Variants in ECT2L observed in about 807,000 individuals in gnomAD.
ECT2L encodes epithelial cell transforming 2 like, also known as epithelial cell-transforming sequence 2 oncogene-like.
ECT2L carries 126 observed loss-of-function variants against 122.8 expected under a neutral mutation model. That is an observed-to-expected ratio of 1.03 (90% confidence interval 0.89 to 1.19). ECT2L has a LOEUF of 1.19. Ranked by LOEUF, ECT2L falls within the 50% of genes most tolerant of loss-of-function variation. The pLI, the probability that ECT2L is intolerant of heterozygous loss-of-function variation, is 0.00. For missense variants in ECT2L, 1,012 were observed against 1,064.1 expected, an observed-to-expected ratio of 0.95 and a Z score of 0.68; for synonymous variants, 385 against 381.8, an observed-to-expected ratio of 1.01 and a Z score of -0.10.
At chr6:138,807,378 A>G (rs576194587) in intron 1 of ECT2L, among the ~76,000 whole-genome samples, 77 of 152,316 alleles carry the variant, frequency 5.1e-4, no homozygotes, top group African/African-American at 1.8e-3. Flanking sequence ...AGCACTTTCT[A>G]CATCCTACTC....
At chr6:138,806,530 T>TTTTTTTA (rs1775717540) in intron 1 of ECT2L, among the ~76,000 whole-genome samples, 1 of 147,616 alleles carries the variant, frequency 6.8e-6, no homozygotes, top group African/African-American at 2.5e-5. Flanking sequence ...TTTTTTTTTT[T>TTTTTTTA]GAGATGGAGT....
At chr6:138,817,735 A>T (rs936442402) in intron 4 of ECT2L, among the ~76,000 whole-genome samples, 2 of 152,200 alleles carry the variant, frequency 1.3e-5, no homozygotes, top group African/African-American at 4.8e-5. Flanking sequence ...GATATTTAAG[A>T]CATTTTTTAA....
At position 138,856,291 on chromosome 6, in the gene ECT2L, T is replaced by G. The variant is rs150472942; in HGVS notation, c.1198+2137T>G. Among the ~76,000 whole-genome samples, 561 of 150,172 alleles carry G rather than the reference T, an allele frequency of 3.7e-3. 3 individuals carry two copies. The highest frequency in any genetic ancestry group is 0.013 in the African/African-American group (542 of 40,790). On this transcript the variant is annotated intron_variant, in intron 10 of 21. Coordinates refer to ENST00000541398, the MANE Select transcript of ECT2L (RefSeq NM_001077706.3). ...GTGCAGTGGCGTGATCTCGGCTCAC[T>G]GCAACCTTCCGCCTCCCGGGCTCAA...
chr6:138,866,853 G>A (rs891221514), intron 12 of ECT2L, among the ~76,000 whole-genome samples: 2 of 152,040 alleles, frequency 1.3e-5, no homozygotes, highest in African/African-American at 4.8e-5. Flanking sequence ...CAGGTGGATT[G>A]CTTGAGCTCA....
rs532795572 is a variant in ECT2L at position 138,876,371 on chromosome 6, C to T, written c.1579-101C>T. On this transcript the variant is annotated intron_variant, in intron 13 of 21. Transcript: ENST00000541398. The stretch of plus-strand genomic sequence containing the variant: ...TGTGTAGGGAACACTGTGGTTGGGG[C>T]TGAAGGCAGAGGCTTCTGAGGGCCT... 1.1e-5 allele frequency: 8 copies of T among 724,676 alleles called. No individual in the cohort carries two copies. The East Asian group carries it at 2.1e-4, about 19-fold the overall frequency. The allele number at this position is 724,676 out of a possible 1,614,324, so 44.9% of individuals were successfully genotyped here. A position where few individuals can be genotyped will look rare whatever the true frequency, so the allele number is the denominator to read the frequency against.
chr6:138,864,845 C>A, intron 11 of ECT2L, 151 bp from the exon 12 acceptor site: 3 of 611,502 alleles, frequency 4.9e-6, no homozygotes, highest in South Asian at 3.6e-5. Flanking sequence ...CCTTTGAAAA[C>A]AGAGGATGGG....
At chr6:138,870,158 G>C (rs1778198681) in intron 13 of ECT2L, 1 of 152,580 alleles carries the variant, frequency 6.6e-6, no homozygotes, top group African/African-American at 2.4e-5. Context: ...TTTTAAATGG[G>C]CATTTTTCTT....
At chr6:138,877,654 AAG>A (rs1778498428) in intron 14 of ECT2L, among the ~76,000 whole-genome samples, 1 of 152,172 alleles carries the variant, frequency 6.6e-6, no homozygotes, top group Admixed American at 6.6e-5. Flanking sequence ...AATAAACAAG[AAG>A]AGTTTGGCAG....
chr6:138,849,565 A>G, intron 9 of ECT2L, 131 bp downstream of exon 9: 2 of 1,029,590 alleles, frequency 1.9e-6, no homozygotes, highest in Non-Finnish European at 2.7e-6. Flanking sequence ...TTTATGAAAA[A>G]AGCGAAGCTT....
intron 4 of ECT2L, chr6:138,822,876 C>T: frequency 1.9e-6 from 3 of 1,613,962 alleles, no homozygotes; most frequent in Non-Finnish European, 2.5e-6. Context: ...AAAAGTTTTC[C>T]TCCCTGTATT....
chr6:138,836,638 G>A (rs1472604229), intron 4 of ECT2L, among the ~76,000 whole-genome samples: 1 of 149,748 alleles, frequency 6.7e-6, no homozygotes, highest in Non-Finnish European at 1.5e-5. Flanking sequence ...GTGATTTCCT[G>A]ATTTCTTAAT....
intron 1 of ECT2L, among the ~76,000 whole-genome samples, chr6:138,803,353 T>C (rs543096653): frequency 2.6e-5 from 4 of 151,760 alleles, no homozygotes; most frequent in African/African-American, 7.3e-5. Context: ...CAATATACTA[T>C]ACTATGCTCA....
At chr6:138,877,123 T>A (rs1035958516) in intron 14 of ECT2L, among the ~76,000 whole-genome samples, 2 of 152,214 alleles carry the variant, frequency 1.3e-5, no homozygotes, top group Non-Finnish European at 2.9e-5. Context: ...AGCCACATTT[T>A]ATAGATAAAG....
Position 138,860,686 on chromosome 6 carries a change from T to C in ECT2L, c.1199-1941T>C, listed in dbSNP as rs548232941. On this transcript the variant is annotated intron_variant, in intron 10 of 21. Coordinates refer to ENST00000541398, the MANE Select transcript of ECT2L (RefSeq NM_001077706.3). ...GCTGAATTAAATAATTCAATCTATA[T>C]GTTGTGCCACTGAAGGGGCTATTTT... Among the ~76,000 whole-genome samples, 3 of 151,472 alleles carry C rather than the reference T, an allele frequency of 2.0e-5. No homozygotes were observed. In the East Asian group the frequency reaches 5.8e-4, roughly 29 times the overall value.
intron 1 of ECT2L, among the ~76,000 whole-genome samples, chr6:138,797,282 C>T (rs191250962): frequency 2.9e-4 from 44 of 152,274 alleles, no homozygotes; most frequent in Non-Finnish European, 5.6e-4. Context: ...CTTCTACTCC[C>T]GTTCTTTTGT....
chr6:138,852,519 T>A (rs1777485260), intron 9 of ECT2L, among the ~76,000 whole-genome samples: 1 of 152,192 alleles, frequency 6.6e-6, no homozygotes. Flanking sequence ...ATCCCAGATA[T>A]GGCTGGAGTA....
At chr6:138,829,026 T>TC (rs1200226660) in intron 4 of ECT2L, among the ~76,000 whole-genome samples, 1 of 151,964 alleles carries the variant, frequency 6.6e-6, no homozygotes, top group African/African-American at 2.4e-5. Flanking sequence ...TTTAAAATTT[T>TC]TTTTTTTTTT....
intron 16 of ECT2L, among the ~76,000 whole-genome samples, chr6:138,883,383 A>G (rs1420139647): frequency 6.6e-6 from 1 of 152,232 alleles, no homozygotes; most frequent in Non-Finnish European, 1.5e-5. Context: ...CTGAGCAGGA[A>G]TATCCAATTC....
At chr6:138,865,522 A>G in intron 12 of ECT2L, among the ~76,000 whole-genome samples, 1 of 152,204 alleles carries the variant, frequency 6.6e-6, no homozygotes, top group East Asian at 1.9e-4. Context: ...AGCGCCTCTT[A>G]TACCCCAGCA....
Sources: gnomAD v4.1 joint callset for allele counts (sites outside exome capture counted in the v4.1 genomes callset) on GRCh38, gnomAD v4.1.1 for gene constraint, MANE v1.5 for transcripts, NCBI Gene and HGNC (gene_info 2026-07-23, HGNC 2026-07-21) for gene names.